Variants in HLCS observed in about 807,000 individuals in gnomAD.
HLCS encodes the protein holocarboxylase synthetase.
In HLCS, 53 loss-of-function variants were observed where a neutral mutation model predicts 75.0. That is an observed-to-expected ratio of 0.71 (90% confidence interval 0.57 to 0.89). The LOEUF (loss-of-function observed/expected upper bound fraction) is 0.89, where lower values mean the gene tolerates loss of function less well. Among genes scored for constraint, HLCS ranks in the 40% least tolerant of loss-of-function variants. HLCS has a pLI of 0.00. For synonymous variants in HLCS, 431 were observed against 428.6 expected (o/e 1.01, Z -0.07); for missense variants, 966 against 1,074.0 (o/e 0.90, Z 1.41).
At chr21:36,989,301 G>A (rs1248163682) in intron 1 of HLCS, among the ~76,000 whole-genome samples, 2 of 138,576 alleles carry the variant, frequency 1.4e-5, no homozygotes, top group Non-Finnish European at 3.1e-5. Context: ...GTGAGCCACA[G>A]TGTCTGGCCC....
At chr21:36,956,716 C>A (rs190334802) in intron 2 of HLCS, among the ~76,000 whole-genome samples, 17 of 151,854 alleles carry the variant, frequency 1.1e-4, no homozygotes, top group African/African-American at 4.1e-4. Flanking sequence ...GGCAACAGAG[C>A]GAGACTCCGT....
chr21:36,769,570 G>C (rs2090158526), intron 6 of HLCS, among the ~76,000 whole-genome samples: 1 of 152,220 alleles, frequency 6.6e-6, no homozygotes, highest in African/African-American at 2.4e-5. Context: ...TGCTGGCAAA[G>C]GTTGTGGAAT....
intron 6 of HLCS, among the ~76,000 whole-genome samples, chr21:36,798,292 T>C (rs1369056204): frequency 6.6e-6 from 1 of 152,180 alleles, no homozygotes; most frequent in Admixed American, 6.5e-5. Context: ...AATTTTCACT[T>C]AGCATAATAT....
At chr21:36,822,217 C>A (rs1381164119) in intron 6 of HLCS, among the ~76,000 whole-genome samples, 1 of 152,066 alleles carries the variant, frequency 6.6e-6, no homozygotes, top group Admixed American at 6.6e-5. Flanking sequence ...GTCAGGAGTT[C>A]GAAACCAGCC....
chr21:36,908,838 T>C (rs921615903), intron 5 of HLCS, among the ~76,000 whole-genome samples: 2 of 152,162 alleles, frequency 1.3e-5, no homozygotes, highest in African/African-American at 4.8e-5. Context: ...CATCTAGTGA[T>C]AGACAGTATA....
At chr21:36,808,362 A>AT (rs1302705679) in intron 6 of HLCS, among the ~76,000 whole-genome samples, 3 of 152,140 alleles carry the variant, frequency 2.0e-5, no homozygotes, top group Admixed American at 6.5e-5. Flanking sequence ...AAAAAATCAA[A>AT]TTTTTTTCCT....
At chr21:36,898,133 G>A (rs1368279838) in intron 5 of HLCS, among the ~76,000 whole-genome samples, 2 of 152,044 alleles carry the variant, frequency 1.3e-5, no homozygotes, top group Admixed American at 6.6e-5. Flanking sequence ...AGAAGAGAAC[G>A]AGTCAAATGA....
chr21:36,892,362 G>C (rs1852247211), intron 6 of HLCS, among the ~76,000 whole-genome samples: 3 of 151,994 alleles, frequency 2.0e-5, no homozygotes, highest in Non-Finnish European at 4.4e-5. Context: ...CAGCGACAAG[G>C]AAACATAGTG....
At chr21:36,965,597 C>CCAT (rs564468950) in intron 1 of HLCS, among the ~76,000 whole-genome samples, 2 of 152,294 alleles carry the variant, frequency 1.3e-5, no homozygotes, top group South Asian at 4.1e-4. Flanking sequence ...GACGCAAAGA[C>CCAT]CATCAGTCGG....
At chr21:36,858,279 G>A (rs1316383914) in intron 6 of HLCS, among the ~76,000 whole-genome samples, 1 of 151,734 alleles carries the variant, frequency 6.6e-6, no homozygotes, top group African/African-American at 2.4e-5. Context: ...CATTTATCTG[G>A]AGTCCTTTTT....
At chr21:36,782,120 G>A (rs73210796) in intron 6 of HLCS, among the ~76,000 whole-genome samples, 12,136 of 152,018 alleles carry the variant, frequency 0.08, 573 homozygotes, top group African/African-American at 0.12. Flanking sequence ...ATACTGGCCT[G>A]TAATTTTTAT....
At chr21:36,757,750 C>G (rs1284727424) in intron 9 of HLCS, among the ~76,000 whole-genome samples, 1 of 152,130 alleles carries the variant, frequency 6.6e-6, no homozygotes, top group East Asian at 1.9e-4. Context: ...TCAATTACCT[C>G]TGGAAAAAAA....
At chr21:36,950,639 T>A (rs1386399466) in intron 2 of HLCS, among the ~76,000 whole-genome samples, 1 of 29,224 alleles carries the variant, frequency 3.4e-5, no homozygotes, top group Non-Finnish European at 7.5e-5. Flanking sequence ...CTGGCTAAAT[T>A]TTTTTTTTTT....
At chr21:36,947,355 G>A (rs907732140) in intron 2 of HLCS, 16 of 985,432 alleles carry the variant, frequency 1.6e-5, no homozygotes, top group Non-Finnish European at 1.9e-5. Flanking sequence ...CCGTTTTCTA[G>A]GAGCGTGGTC....
At chr21:36,776,379 C>G (rs1424411461) in intron 6 of HLCS, among the ~76,000 whole-genome samples, 6 of 151,596 alleles carry the variant, frequency 4.0e-5, no homozygotes, top group African/African-American at 1.5e-4. Context: ...ATAGTACAAT[C>G]ACGGAAATCA....
intron 6 of HLCS, among the ~76,000 whole-genome samples, chr21:36,777,901 C>A (rs2060409433): frequency 1.3e-5 from 2 of 152,202 alleles, no homozygotes; most frequent in South Asian, 2.1e-4. Context: ...ATCTATTTCT[C>A]ATGAAATTTA....
At chr21:36,869,785 T>C (rs2146224282) in intron 6 of HLCS, among the ~76,000 whole-genome samples, 1 of 152,362 alleles carries the variant, frequency 6.6e-6, no homozygotes, top group Non-Finnish European at 1.5e-5. Flanking sequence ...CTTGTGTTTA[T>C]AACATCTGGG....
intron 6 of HLCS, among the ~76,000 whole-genome samples, chr21:36,768,808 C>T (rs905907048): frequency 6.6e-6 from 1 of 152,228 alleles, no homozygotes; most frequent in Non-Finnish European, 1.5e-5. Flanking sequence ...AAGAAGAAAG[C>T]GTCCTTTTCT....
intron 5 of HLCS, among the ~76,000 whole-genome samples, chr21:36,903,212 T>C (rs141787874): frequency 1.3e-5 from 2 of 152,274 alleles, no homozygotes; most frequent in African/African-American, 4.8e-5. Flanking sequence ...CCAAGATATA[T>C]TTCAAATGGA....
Sources: gnomAD v4.1 joint callset for allele counts (sites outside exome capture counted in the v4.1 genomes callset) on GRCh38, gnomAD v4.1.1 for gene constraint, MANE v1.5 for transcripts, NCBI Gene and HGNC (gene_info 2026-07-23, HGNC 2026-07-21) for gene names.